Variants in PARP11 observed in about 807,000 individuals in gnomAD.
PARP11 encodes the protein protein mono-ADP-ribosyltransferase PARP11.
PARP11 carries 31 observed loss-of-function variants against 42.9 expected under a neutral mutation model. That is an observed-to-expected ratio of 0.72 (90% confidence interval 0.54 to 0.98). The LOEUF is 0.98. Among genes scored for constraint, PARP11 ranks in the 50% least tolerant of loss-of-function variants. The pLI, the probability that PARP11 is intolerant of heterozygous loss-of-function variation, is 0.00. For missense variants in PARP11, 365 were observed against 413.1 expected, an observed-to-expected ratio of 0.88 and a Z score of 1.01; for synonymous variants, 137 against 127.3, an observed-to-expected ratio of 1.08 and a Z score of -0.51.
In PARP11 at chr12:3,822,022, A is replaced by C; in HGVS notation, c.418-19T>G. 1.2e-6 allele frequency: 2 copies of C among 1,606,678 alleles called. No individual in the cohort carries two copies. The highest frequency in any genetic ancestry group is 1.7e-6 in the Non-Finnish European group (2 of 1,177,284). ...GAATAAGCTGGAAAAATAAATTTGC[A>C]TAGATTTACTGCAGTCATTTCCGGT... On this transcript the variant is annotated intron_variant, in intron 5 of 7. Transcript: ENST00000228820.
At chr12:3,848,297 C>A (rs1422317440) in intron 1 of PARP11, among the ~76,000 whole-genome samples, 1 of 151,954 alleles carries the variant, frequency 6.6e-6, no homozygotes, top group African/African-American at 2.4e-5. Context: ...CAGAAATAAA[C>A]AAACGCAAAA....
At chr12:3,837,889 G>A (rs1324243998) in intron 1 of PARP11, among the ~76,000 whole-genome samples, 1 of 151,624 alleles carries the variant, frequency 6.6e-6, no homozygotes, top group Non-Finnish European at 1.5e-5. Flanking sequence ...TGGGGTCAAC[G>A]AAGCAAGTGG....
rs545380488 is a variant in PARP11 at position 3,867,562 on chromosome 12, C to T, written c.18+5650G>A. 7.9e-5 allele frequency among the ~76,000 whole-genome samples: 12 copies of T among 152,246 alleles called. No individual in the cohort carries two copies. In the South Asian group the frequency reaches 2.3e-3, roughly 29 times the overall value. On this transcript the variant is annotated intron_variant, in intron 1 of 7. Transcript: ENST00000228820. ...AACCTACTACTTCAGGGCCAAAATA[C>T]CCTGATTTTTAATGCTGAGAATAAA... is the stretch of plus-strand genomic sequence containing the variant.
At position 3,840,230 on chromosome 12, in the gene PARP11, C is replaced by A. The variant is rs1947857461; in HGVS notation, c.19-10212G>T. 1.9e-6 allele frequency: 3 copies of A among 1,612,224 alleles called. No homozygotes were observed. Among genetic ancestry groups the A allele is most frequent in the South Asian group, 2.2e-5 (2 of 91,040 alleles). ...AATGCAGACGTTCAAGGAGTTCATT[C>A]TGAGAATGGACCAGTTTTGGTTGAA... On this transcript the variant is annotated intron_variant, in intron 1 of 7. Transcript: ENST00000228820. The surrounding 1 kb of genome is among the most constrained non-coding windows in gnomAD (Gnocchi z 4.4).
chr12:3,871,303 T>C (rs1236538835), intron 1 of PARP11, among the ~76,000 whole-genome samples: 1 of 152,238 alleles, frequency 6.6e-6, no homozygotes, highest in African/African-American at 2.4e-5. Context: ...AATTATGCAT[T>C]GCATAAAAGC....
intron 6 of PARP11, among the ~76,000 whole-genome samples, chr12:3,820,074 G>C (rs150293636): frequency 6.6e-5 from 10 of 152,248 alleles, no homozygotes; most frequent in African/African-American, 2.4e-4. Flanking sequence ...CCCTCACTTT[G>C]TGCTCCCATG....
intron 7 of PARP11, 100 bp from the exon 8 acceptor site, chr12:3,812,539 T>G (rs937585877): frequency 1.0e-5 from 8 of 791,046 alleles, no homozygotes; most frequent in Non-Finnish European, 1.6e-5. Context: ...TAGAATTGTA[T>G]AATAAAAATA....
intron 6 of PARP11, 82 bp from the exon 7 acceptor site, chr12:3,814,270 C>T: frequency 4.5e-6 from 5 of 1,110,762 alleles, no homozygotes; most frequent in Non-Finnish European, 6.0e-6. Context: ...GAGCAAGGTT[C>T]AATAGAAAGC....
chr12:3,822,553 T>G (rs368724568), intron 4 of PARP11, among the ~76,000 whole-genome samples: 6 of 148,232 alleles, frequency 4.0e-5, no homozygotes, highest in Admixed American at 2.7e-4. Context: ...GAGCCGAGAT[T>G]GCGCCACTGC....
At chr12:3,837,264 C>G (rs751575611) in intron 1 of PARP11, among the ~76,000 whole-genome samples, 2 of 152,172 alleles carry the variant, frequency 1.3e-5, no homozygotes, top group Non-Finnish European at 2.9e-5. Flanking sequence ...TAATTATTTA[C>G]TAGAGCTGAG....
At chr12:3,814,800 A>G (rs908364096) in intron 6 of PARP11, among the ~76,000 whole-genome samples, 5 of 150,746 alleles carry the variant, frequency 3.3e-5, no homozygotes, top group South Asian at 2.1e-4. Context: ...GAATATAGTC[A>G]TGTATTTACA....
Position 3,853,434 on chromosome 12 carries a change from AG to A in PARP11, c.18+19777del, listed in dbSNP as rs1393793191. ...ACACAGGCTCCAAATAAAGGGATGG[AG>A]GAAGATCTACCAAGCAAATGGAAAG... On this transcript the variant is annotated intron_variant, in intron 1 of 7. Coordinates refer to ENST00000228820, the MANE Select transcript of PARP11 (RefSeq NM_020367.6). Among the ~76,000 whole-genome samples the A allele has an allele frequency of 7.9e-5, 12 of 152,218 alleles. No individual in the cohort carries two copies. In the South Asian group the frequency reaches 1.0e-3, roughly 13 times the overall value.
chr12:3,832,059 G>C (rs946490691), intron 1 of PARP11: 2 of 645,516 alleles, frequency 3.1e-6, no homozygotes, highest in Non-Finnish European at 3.8e-6. Context: ...AAATAGGAAA[G>C]TTCCCTTTAT....
chr12:3,840,021 C>T lies in PARP11; in HGVS notation c.19-10003G>A. ...TGAAGAACAATGGGAACTCTACTAG[C>T]CTGCCTTTGGCTAGAAAGGTTCTTA... On this transcript the variant is annotated intron_variant, in intron 1 of 7. Transcript: ENST00000228820. This position sits in a 1 kb window ranked among gnomAD's most constrained non-coding sequence, Gnocchi z 4.4. 6.2e-7 allele frequency: 1 copy of T among 1,604,832 alleles called. No individual in the cohort carries two copies. Among genetic ancestry groups the T allele is most frequent in the Non-Finnish European group, 8.5e-7 (1 of 1,171,490 alleles).
chr12:3,818,046 C>A (rs1947326115), intron 6 of PARP11, among the ~76,000 whole-genome samples: 1 of 152,206 alleles, frequency 6.6e-6, no homozygotes, highest in Non-Finnish European at 1.5e-5. Context: ...ATCAATCCAA[C>A]CATTTCCACT....
chr12:3,873,164 T>A (rs1158057176), intron 1 of PARP11, 48 bp downstream of exon 1: 1 of 1,361,050 alleles, frequency 7.3e-7, no homozygotes, highest in Non-Finnish European at 1.0e-6. Context: ...CGCCCCTCTC[T>A]CATCAACCCC....
rs991680499 is a variant in PARP11 at position 3,861,603 on chromosome 12, T to G, written c.18+11609A>C. Among the ~76,000 whole-genome samples the G allele has an allele frequency of 2.0e-5, 3 of 152,244 alleles. No individual in the cohort carries two copies. The highest frequency in any genetic ancestry group is 7.2e-5 in the African/African-American group (3 of 41,470). Reference sequence around the variant, plus strand: ...AGATATATGCTTTTTAAATACTTTCTCCCGTCTGTGGCTTATCTTTTCATT... The same window carrying G: ...AGATATATGCTTTTTAAATACTTTCGCCCGTCTGTGGCTTATCTTTTCATT... On this transcript the variant is annotated intron_variant, in intron 1 of 7. Transcript: ENST00000228820. This position sits in a 1 kb window ranked among gnomAD's most constrained non-coding sequence, Gnocchi z 4.6.
At chr12:3,859,804 C>T (rs1176627677) in intron 1 of PARP11, among the ~76,000 whole-genome samples, 1 of 152,042 alleles carries the variant, frequency 6.6e-6, no homozygotes, top group Non-Finnish European at 1.5e-5. Flanking sequence ...AGTGGCTATA[C>T]TAATGCCAGG....
chr12:3,859,892 T>C (rs1352745134), intron 1 of PARP11, among the ~76,000 whole-genome samples: 2 of 152,128 alleles, frequency 1.3e-5, no homozygotes, highest in South Asian at 2.1e-4. Context: ...TACTCCAACA[T>C]AAAGATGTAA....
Sources: allele counts gnomAD v4.1 joint callset (sites outside exome capture counted in the v4.1 genomes callset), GRCh38; gene constraint gnomAD v4.1.1; non-coding constraint Gnocchi (gnomAD v3.1); transcripts MANE v1.5; gene names NCBI Gene and HGNC (gene_info 2026-07-23, HGNC 2026-07-21).